Variants in ANKS1B observed in about 807,000 individuals in gnomAD.
The protein encoded by ANKS1B is ankyrin repeat and sterile alpha motif domain containing 1B.
Under a neutral mutation model 148.3 loss-of-function variants are expected in ANKS1B, and 36 were observed. The ratio of observed to expected loss-of-function variants is 0.24; its 90% confidence interval spans 0.19 to 0.32. ANKS1B has a LOEUF of 0.32. Ranked by LOEUF, ANKS1B falls within the 10% of genes least tolerant of loss-of-function variation. The pLI is 1.00. For missense variants in ANKS1B, 1,157 were observed against 1,542.6 expected, an observed-to-expected ratio of 0.75 and a Z score of 4.19; for synonymous variants, 542 against 560.8, an observed-to-expected ratio of 0.97 and a Z score of 0.47.
intron 17 of ANKS1B, among the ~76,000 whole-genome samples, chr12:98,837,129 A>T (rs1018925733): frequency 1.8e-4 from 28 of 151,838 alleles, no homozygotes; most frequent in Admixed American, 3.3e-4. Flanking sequence ...CAGGAGATCG[A>T]GACCATCCTG....
chr12:99,925,161 G>C (rs1434199158), intron 1 of ANKS1B, among the ~76,000 whole-genome samples: 1 of 152,164 alleles, frequency 6.6e-6, no homozygotes, highest in African/African-American at 2.4e-5. Flanking sequence ...TACAAAACTA[G>C]AGCTAGGCGC....
intron 8 of ANKS1B, among the ~76,000 whole-genome samples, chr12:99,681,478 C>G (rs769774991): frequency 2.0e-5 from 3 of 152,208 alleles, no homozygotes; most frequent in Non-Finnish European, 2.9e-5. Flanking sequence ...CTGGTATCCA[C>G]AGCTGAGAGA....
intron 8 of ANKS1B, among the ~76,000 whole-genome samples, chr12:99,673,750 T>C (rs1003863709): frequency 6.6e-6 from 1 of 151,862 alleles, no homozygotes; most frequent in African/African-American, 2.4e-5. Flanking sequence ...ATATAAAGTA[T>C]AATTCATGAA....
chr12:99,849,360 T>A (rs139253506), intron 1 of ANKS1B, among the ~76,000 whole-genome samples: 1 of 152,236 alleles, frequency 6.6e-6, no homozygotes, highest in East Asian at 1.9e-4. Flanking sequence ...GAGACACCAC[T>A]ACATATCCAC....
chr12:99,466,186 C>T (rs1343056385), intron 10 of ANKS1B, among the ~76,000 whole-genome samples: 1 of 152,180 alleles, frequency 6.6e-6, no homozygotes, highest in Non-Finnish European at 1.5e-5. Context: ...TCCTGAATGA[C>T]TACTGGGTAC....
At position 98,888,880 on chromosome 12, in the gene ANKS1B, T is replaced by A. The variant is rs536828217; in HGVS notation, c.2779-56744A>T. 2.9e-3 allele frequency among the ~76,000 whole-genome samples: 441 copies of A among 152,348 alleles called. 5 individuals carry two copies. The highest frequency in any genetic ancestry group is 0.029 in the South Asian group (138 of 4,826). On this transcript the variant is annotated intron_variant, in intron 17 of 26. Coordinates refer to ENST00000683438, the MANE Select transcript of ANKS1B (RefSeq NM_001352186.2). ...ATTTACTTCCTTTGTATCAATCCTC[T>A]CCCACTAAATATCTGCTCTAGAAAA... is the stretch of plus-strand genomic sequence containing the variant.
intron 17 of ANKS1B, among the ~76,000 whole-genome samples, chr12:98,851,158 T>C (rs1387814245): frequency 1.3e-5 from 2 of 152,036 alleles, no homozygotes; most frequent in Non-Finnish European, 2.9e-5. Context: ...CAAATACACA[T>C]TGAGGGTGGA....
At chr12:99,784,473 C>T (rs1021318527) in intron 4 of ANKS1B, among the ~76,000 whole-genome samples, 1 of 151,940 alleles carries the variant, frequency 6.6e-6, no homozygotes, top group African/African-American at 2.4e-5. Context: ...CGCCTGGCCC[C>T]TGAACACTTT....
At chr12:99,655,643 C>T (rs535205866) in intron 8 of ANKS1B, among the ~76,000 whole-genome samples, 4 of 152,196 alleles carry the variant, frequency 2.6e-5, no homozygotes, top group Non-Finnish European at 5.9e-5. Flanking sequence ...TGAAATAAAA[C>T]TTTATAAACT....
chr12:99,510,144 A>C (rs958064906), intron 9 of ANKS1B, among the ~76,000 whole-genome samples: 2 of 151,998 alleles, frequency 1.3e-5, no homozygotes, highest in Non-Finnish European at 2.9e-5. Context: ...GCCACAGATC[A>C]CCCAAGAGCT....
intron 9 of ANKS1B, among the ~76,000 whole-genome samples, chr12:99,555,966 GTC>G (rs546606272): frequency 6.2e-4 from 94 of 152,236 alleles, no homozygotes; most frequent in African/African-American, 2.1e-3. Flanking sequence ...CTGGAGAGAA[GTC>G]TCTCCTCTTG....
At chr12:99,455,906 A>G (rs12315151) in intron 10 of ANKS1B, among the ~76,000 whole-genome samples, 5,711 of 152,180 alleles carry the variant, frequency 0.038, 370 homozygotes, top group African/African-American at 0.13. Flanking sequence ...GATCCTTCCT[A>G]TACTACTGCA....
chr12:99,204,612 G>A (rs766729935), intron 14 of ANKS1B, among the ~76,000 whole-genome samples: 10 of 152,198 alleles, frequency 6.6e-5, no homozygotes, highest in South Asian at 2.1e-4. Flanking sequence ...AAATGCAGGC[G>A]TGTGCTTGAA....
intron 8 of ANKS1B, among the ~76,000 whole-genome samples, chr12:99,719,157 G>A (rs528871053): frequency 4.9e-4 from 74 of 152,226 alleles, no homozygotes; most frequent in African/African-American, 1.5e-3. Context: ...AGCGGCTGCC[G>A]CTGCTTTAAT....
intron 9 of ANKS1B, among the ~76,000 whole-genome samples, chr12:99,601,197 A>C (rs2097796932): frequency 6.6e-6 from 1 of 152,106 alleles, no homozygotes. Context: ...GTAGGTCTCA[A>C]TAGATGAGGA....
At chr12:99,372,017 C>G (rs1448290733) in intron 12 of ANKS1B, among the ~76,000 whole-genome samples, 1 of 151,992 alleles carries the variant, frequency 6.6e-6, no homozygotes, top group Non-Finnish European at 1.5e-5. Context: ...ATTTTCAGGG[C>G]AGTGAAATAT....
chr12:99,246,890 G>C (rs764752111), intron 12 of ANKS1B, 26 bp from the exon 13 acceptor site: 2 of 1,530,634 alleles, frequency 1.3e-6, no homozygotes, highest in African/African-American at 1.4e-5. Context: ...AGGGATATCA[G>C]GGTTTATAAA....
At chr12:99,727,215 T>G (rs936815000) in intron 8 of ANKS1B, among the ~76,000 whole-genome samples, 4 of 152,094 alleles carry the variant, frequency 2.6e-5, no homozygotes, top group African/African-American at 9.7e-5. Context: ...TTTTTGCAGA[T>G]GACATGATTC....
chr12:98,821,475 G>A (rs930168410), intron 19 of ANKS1B, among the ~76,000 whole-genome samples: 2 of 152,110 alleles, frequency 1.3e-5, no homozygotes, highest in African/African-American at 4.8e-5. Flanking sequence ...CCTCTGTCTT[G>A]CTAATCAATC....
Sources: allele counts gnomAD v4.1 joint callset (sites outside exome capture counted in the v4.1 genomes callset), GRCh38; gene constraint gnomAD v4.1.1; transcripts MANE v1.5; gene names NCBI Gene and HGNC (gene_info 2026-07-23, HGNC 2026-07-21).